ADCK1: variants seen among roughly 807,000 people sequenced by gnomAD.
ADCK1 encodes aarF domain containing kinase 1.
In ADCK1, 41 loss-of-function variants were observed where a neutral mutation model predicts 52.3. That is an observed-to-expected ratio of 0.78 (90% CI 0.61 to 1.02). The LOEUF is 1.02. Ranked by LOEUF, ADCK1 falls within the 50% of genes least tolerant of loss-of-function variation. The pLI, the probability that ADCK1 is intolerant of heterozygous loss-of-function variation, is 0.00. For missense variants in ADCK1, 658 were observed against 679.5 expected (o/e 0.97, Z 0.35); for synonymous variants, 250 against 274.6 (o/e 0.91, Z 0.89).
intron 7 of ADCK1, among the ~76,000 whole-genome samples, chr14:77,922,109 C>G (rs927069153): frequency 1.3e-5 from 2 of 152,192 alleles, no homozygotes; most frequent in African/African-American, 4.8e-5. Flanking sequence ...CAGATACAGC[C>G]TTTCAAAGCA....
At chr14:77,868,822 A>G (rs1191685978) in intron 4 of ADCK1, among the ~76,000 whole-genome samples, 1 of 152,122 alleles carries the variant, frequency 6.6e-6, no homozygotes, top group African/African-American at 2.4e-5. Flanking sequence ...TCTCTTACCC[A>G]TGTGCCACTG....
intron 9 of ADCK1, among the ~76,000 whole-genome samples, chr14:77,927,541 GAGAC>G (rs761790408): frequency 2.5e-4 from 38 of 152,186 alleles, no homozygotes; most frequent in Non-Finnish European, 4.6e-4. Flanking sequence ...TTGGTTGAGG[GAGAC>G]AGACAGTAAA....
chr14:77,869,092 C>A (rs1413803156), intron 4 of ADCK1, among the ~76,000 whole-genome samples: 1 of 151,960 alleles, frequency 6.6e-6, no homozygotes, highest in Non-Finnish European at 1.5e-5. Context: ...GAGTAATGAC[C>A]ACAGGTAATT....
intron 3 of ADCK1, among the ~76,000 whole-genome samples, chr14:77,846,600 C>T (rs1011488815): frequency 1.8e-4 from 27 of 152,178 alleles, no homozygotes; most frequent in African/African-American, 6.0e-4. Context: ...TTGGGAAAAA[C>T]CCCTGTTCTG....
intron 3 of ADCK1, among the ~76,000 whole-genome samples, chr14:77,855,089 C>T (rs1294878481): frequency 6.6e-6 from 1 of 152,268 alleles, no homozygotes; most frequent in Non-Finnish European, 1.5e-5. Context: ...CCACATTTTC[C>T]TGCTTTCCCC....
chr14:77,898,951 C>A, intron 5 of ADCK1, 149 bp from the exon 6 acceptor site: 1 of 1,034,956 alleles, frequency 9.7e-7, no homozygotes, highest in East Asian at 2.4e-5. Context: ...GAGCAGGAGC[C>A]TACTATGTTT....
At chr14:77,882,723 G>C (rs1465051860) in intron 4 of ADCK1, among the ~76,000 whole-genome samples, 1 of 151,932 alleles carries the variant, frequency 6.6e-6, no homozygotes, top group East Asian at 1.9e-4. Context: ...CCTTATTTTG[G>C]TCTTGGCCAG....
intron 4 of ADCK1, among the ~76,000 whole-genome samples, chr14:77,871,670 C>G (rs931295325): frequency 6.6e-6 from 1 of 152,162 alleles, no homozygotes; most frequent in Admixed American, 6.6e-5. Context: ...GGAGCTGATA[C>G]TTCCTGAGAC....
At chr14:77,840,722 C>T (rs540949979) in intron 3 of ADCK1, among the ~76,000 whole-genome samples, 9 of 151,900 alleles carry the variant, frequency 5.9e-5, no homozygotes, top group African/African-American at 1.9e-4. Context: ...GTGGTGTGCG[C>T]CTGAAGTCCC....
chr14:77,835,430 C>T (rs955519992), intron 3 of ADCK1, among the ~76,000 whole-genome samples: 1 of 152,170 alleles, frequency 6.6e-6, no homozygotes, highest in Admixed American at 6.6e-5. Context: ...GTTTATCATT[C>T]CCATGCAACA....
At chr14:77,843,277 G>T (rs1174510842) in intron 3 of ADCK1, among the ~76,000 whole-genome samples, 3 of 152,144 alleles carry the variant, frequency 2.0e-5, no homozygotes, top group East Asian at 3.9e-4. Context: ...CCACATTCAG[G>T]CCTGTGGCCT....
chr14:77,930,903 TGG>T (rs2084314184), intron 9 of ADCK1, among the ~76,000 whole-genome samples: 2 of 151,670 alleles, frequency 1.3e-5, no homozygotes, highest in Non-Finnish European at 2.9e-5. Flanking sequence ...ACAGGGATCG[TGG>T]GGAGGCCAGA....
intron 3 of ADCK1, among the ~76,000 whole-genome samples, chr14:77,850,550 T>G (rs1433111694): frequency 6.6e-6 from 1 of 152,228 alleles, no homozygotes; most frequent in Admixed American, 6.5e-5. Context: ...GAAATAATTT[T>G]CTTTATCCCT....
chr14:77,812,521 C>T (rs1320823530), intron 1 of ADCK1, among the ~76,000 whole-genome samples: 1 of 151,982 alleles, frequency 6.6e-6, no homozygotes, highest in African/African-American at 2.4e-5. Context: ...ATATATATTT[C>T]ACAATTTCTT....
Position 77,847,932 on chromosome 14 carries a change from G to A in ADCK1, c.220-11144G>A, listed in dbSNP as rs8019663. ...AGACGTGGCCAGAGCCATGGTGGCC[G>A]TGTGGCCTAACCCTGAGACTTAGCT... On this transcript the variant is annotated intron_variant, in intron 3 of 10. Coordinates refer to ENST00000238561, the MANE Select transcript of ADCK1 (RefSeq NM_020421.4). 9.7e-3 allele frequency among the ~76,000 whole-genome samples: 1,484 copies of A among 152,314 alleles called. 19 individuals carry two copies. Among genetic ancestry groups the A allele is most frequent in the African/African-American group, 0.034 (1,428 of 41,568 alleles).
chr14:77,887,038 C>G, intron 4 of ADCK1, 53 bp from the exon 5 acceptor site: 1 of 1,492,324 alleles, frequency 6.7e-7, no homozygotes, highest in Non-Finnish European at 8.9e-7. Flanking sequence ...CTGGCTCCCT[C>G]TCACTGAACT....
chr14:77,922,431 A>G (rs7159444), intron 7 of ADCK1, among the ~76,000 whole-genome samples: 110,309 of 152,166 alleles, frequency 0.72, 40,303 homozygotes, highest in African/African-American at 0.77. Flanking sequence ...TCTTATAAAC[A>G]TACAATGAAA....
At chr14:77,820,639 C>CGTGTGTGTGT (rs10549011) in intron 2 of ADCK1, among the ~76,000 whole-genome samples, 1 of 148,822 alleles carries the variant, frequency 6.7e-6, no homozygotes, top group African/African-American at 2.5e-5. Flanking sequence ...GCCAATTTTA[C>CGTGTGTGTGT]GTGTGTGTGT....
intron 3 of ADCK1, among the ~76,000 whole-genome samples, chr14:77,844,739 G>T (rs1028558607): frequency 3.9e-5 from 6 of 152,188 alleles, no homozygotes; most frequent in Non-Finnish European, 8.8e-5. Context: ...TGGAGTTGGG[G>T]CTAGAATTAA....
Sources: gnomAD v4.1 joint callset for allele counts (sites outside exome capture counted in the v4.1 genomes callset) on GRCh38, gnomAD v4.1.1 for gene constraint, MANE v1.5 for transcripts, NCBI Gene and HGNC (gene_info 2026-07-23, HGNC 2026-07-21) for gene names.